Variants in PDE8B observed in about 807,000 individuals in gnomAD.
PDE8B encodes the protein phosphodiesterase 8B.
PDE8B carries 26 observed loss-of-function variants against 101.3 expected under a neutral mutation model. The observed-to-expected ratio is 0.26, with a 90% CI of 0.19 to 0.36. The LOEUF is 0.36. PDE8B is among the 10% of genes least tolerant of loss of function. The pLI is 1.00. For missense variants in PDE8B, 810 were observed against 1,163.1 expected, an observed-to-expected ratio of 0.70 and a Z score of 4.42; for synonymous variants, 424 against 429.3, an observed-to-expected ratio of 0.99 and a Z score of 0.15.
At chr5:77,362,368 A>G (rs1783261743) in intron 10 of PDE8B, among the ~76,000 whole-genome samples, 1 of 152,222 alleles carries the variant, frequency 6.6e-6, no homozygotes, top group African/African-American at 2.4e-5. Context: ...TCCCAAGCAC[A>G]TTACTATAGT....
chr5:77,180,254 C>T, the PDE8B span, among the ~76,000 whole-genome samples: 65 of 152,302 alleles, frequency 4.3e-4, no homozygotes, highest in African/African-American at 1.5e-3. Context: ...CACCCGCCGG[C>T]CCGGGGACGC....
chr5:77,159,412 C>T, the PDE8B span, among the ~76,000 whole-genome samples: 1 of 152,114 alleles, frequency 6.6e-6, no homozygotes, highest in East Asian at 1.9e-4. Context: ...AGAGACAGGC[C>T]TAGTTTTCCA....
the PDE8B span, among the ~76,000 whole-genome samples, chr5:77,161,677 A>G: frequency 6.6e-6 from 1 of 152,176 alleles, no homozygotes; most frequent in African/African-American, 2.4e-5. Context: ...AAGCATATAC[A>G]TAATTTTATA....
At chr5:77,372,453 A>G (rs1785230878) in intron 10 of PDE8B, among the ~76,000 whole-genome samples, 1 of 152,084 alleles carries the variant, frequency 6.6e-6, no homozygotes, top group African/African-American at 2.4e-5. Flanking sequence ...TCTTGAAAAT[A>G]TTCCCTCCTT....
At chr5:77,245,201 A>G (rs558999968) in intron 1 of PDE8B, among the ~76,000 whole-genome samples, 1 of 152,162 alleles carries the variant, frequency 6.6e-6, no homozygotes, top group African/African-American at 2.4e-5. Context: ...GATTTTAGCT[A>G]CTCTCCATTG....
At chr5:77,129,288 G>T in the PDE8B span, among the ~76,000 whole-genome samples, 9 of 152,114 alleles carry the variant, frequency 5.9e-5, no homozygotes, top group Middle Eastern at 6.8e-3. Context: ...ATTTTATTAT[G>T]AAAAATTTTA....
intron 6 of PDE8B, among the ~76,000 whole-genome samples, chr5:77,343,774 TTAA>T (rs1779639664): frequency 6.6e-6 from 1 of 152,210 alleles, no homozygotes; most frequent in Non-Finnish European, 1.5e-5. Flanking sequence ...TTTCACTTTC[TTAA>T]TAACATTTAG....
chr5:77,241,824 G>C (rs570636894), intron 1 of PDE8B, among the ~76,000 whole-genome samples: 1 of 152,224 alleles, frequency 6.6e-6, no homozygotes, highest in Non-Finnish European at 1.5e-5. Context: ...TTCAAATTTT[G>C]CTTTAAAGTT....
chr5:77,149,005 A>G, the PDE8B span, among the ~76,000 whole-genome samples: 2 of 152,196 alleles, frequency 1.3e-5, no homozygotes, highest in Admixed American at 6.5e-5. Context: ...TAACTCTTCT[A>G]TATAGGCCTG....
intron 17 of PDE8B, among the ~76,000 whole-genome samples, chr5:77,415,701 C>G (rs1217719111): frequency 2.0e-5 from 3 of 152,150 alleles, no homozygotes; most frequent in Non-Finnish European, 1.5e-5. Flanking sequence ...CATGCCCAAC[C>G]CAGCTGTAGA....
the PDE8B span, among the ~76,000 whole-genome samples, chr5:77,159,144 A>C: frequency 6.6e-6 from 1 of 152,176 alleles, no homozygotes; most frequent in East Asian, 1.9e-4. Context: ...CAGCTGGCCA[A>C]TCAGACTACT....
the PDE8B span, among the ~76,000 whole-genome samples, chr5:77,099,695 T>C: frequency 1.3e-5 from 2 of 151,910 alleles, no homozygotes; most frequent in Non-Finnish European, 2.9e-5. Flanking sequence ...CACTGCAACC[T>C]CCGCCTCCCA....
the PDE8B span, among the ~76,000 whole-genome samples, chr5:77,124,445 A>C: frequency 2.0e-5 from 3 of 151,788 alleles, no homozygotes; most frequent in Admixed American, 1.3e-4. Context: ...AAAATTATTC[A>C]TGTGTGGTGG....
chr5:77,394,831 A>C (rs1284291520), intron 10 of PDE8B, among the ~76,000 whole-genome samples: 1 of 152,172 alleles, frequency 6.6e-6, no homozygotes, highest in African/African-American at 2.4e-5. Flanking sequence ...TCTTGTCAAA[A>C]AGGCTTTGGC....
In PDE8B at chr5:77,393,370, G is replaced by C. The variant is rs1409148671; in HGVS notation, c.1168-6878G>C. ...GTTTGCACCCACTGCTCTCCAGCCT[G>C]GACGACAGAGTGAGACTGTCTCCAA... On this transcript the variant is annotated intron_variant, in intron 10 of 21. Coordinates refer to ENST00000264917, the MANE Select transcript of PDE8B (RefSeq NM_003719.5). 4.0e-5 allele frequency among the ~76,000 whole-genome samples: 6 copies of C among 149,362 alleles called. No individual in the cohort carries two copies. The East Asian group carries it at 1.2e-3, about 30-fold the overall frequency.
chr5:77,424,431 A>G (rs1174243305), intron 20 of PDE8B, among the ~76,000 whole-genome samples: 1 of 152,246 alleles, frequency 6.6e-6, no homozygotes, highest in African/African-American at 2.4e-5. Context: ...ATACACCACC[A>G]GGAAATGCGG....
chr5:77,115,747 G>A, the PDE8B span, among the ~76,000 whole-genome samples: 461 of 152,298 alleles, frequency 3.0e-3, 2 homozygotes, highest in Non-Finnish European at 5.1e-3. Context: ...CGAGTCGGCC[G>A]TTGCCATTGT....
chr5:77,258,060 C>T (rs141832259), intron 1 of PDE8B, among the ~76,000 whole-genome samples: 3,665 of 151,612 alleles, frequency 0.024, 137 homozygotes, highest in African/African-American at 0.083. Flanking sequence ...AGGCTGAGGC[C>T]GGCAGATCAC....
At position 77,391,713 on chromosome 5, in the gene PDE8B, C is replaced by T. The variant is rs191202059; in HGVS notation, c.1168-8535C>T. Among the ~76,000 whole-genome samples, 269 of 152,300 alleles carry T rather than the reference C, an allele frequency of 1.8e-3. 3 individuals carry two copies. Among genetic ancestry groups the T allele is most frequent in the Admixed American group, 0.014 (207 of 15,310 alleles). On this transcript the variant is annotated intron_variant, in intron 10 of 21. Coordinates refer to ENST00000264917, the MANE Select transcript of PDE8B (RefSeq NM_003719.5). Reference sequence around the variant, plus strand: ...CCATGTTGACATCGCAGGAGCTCCACGAGCCAATCGGCTGGCCCGAGGGGC... The same window carrying T: ...CCATGTTGACATCGCAGGAGCTCCATGAGCCAATCGGCTGGCCCGAGGGGC...
Sources: gnomAD v4.1 joint callset for allele counts (sites outside exome capture counted in the v4.1 genomes callset) on GRCh38, gnomAD v4.1.1 for gene constraint, MANE v1.5 for transcripts, NCBI Gene and HGNC (gene_info 2026-07-23, HGNC 2026-07-21) for gene names.